The following NUP214 variants were observed in gnomAD, a reference collection of about 807,000 sequenced individuals.
The protein encoded by NUP214 is nuclear pore complex protein Nup214.
In NUP214, 79 loss-of-function variants were observed where a neutral mutation model predicts 196.2. That is an observed-to-expected ratio of 0.40 (90% confidence interval 0.34 to 0.49). NUP214 has a LOEUF of 0.49. Among genes scored for constraint, NUP214 ranks in the 20% least tolerant of loss-of-function variants. The pLI, the probability that NUP214 is intolerant of heterozygous loss-of-function variation, is 0.58. For synonymous variants in NUP214, 1,020 were observed against 990.5 expected (o/e 1.03, Z -0.56); for missense variants, 2,468 against 2,539.0 (o/e 0.97, Z 0.60).
At chr9:131,126,226 G>A (rs1173368489) in intron 1 of NUP214, 1 of 165,494 alleles carries the variant, frequency 6.0e-6, no homozygotes, top group Non-Finnish European at 1.3e-5. Context: ...TAGAGTCAGG[G>A]AAGGTCATCC....
chr9:131,202,039 C>G (rs1026867892), intron 30 of NUP214, among the ~76,000 whole-genome samples: 2 of 152,154 alleles, frequency 1.3e-5, no homozygotes, highest in African/African-American at 4.8e-5. Flanking sequence ...TCACAGCTGA[C>G]TCTAGCCATA....
intron 23 of NUP214, among the ~76,000 whole-genome samples, chr9:131,177,709 G>T (rs1326411973): frequency 6.6e-6 from 1 of 152,054 alleles, no homozygotes; most frequent in Admixed American, 6.5e-5. Context: ...AGTCTTTTGG[G>T]ATACAATTTA....
intron 32 of NUP214, among the ~76,000 whole-genome samples, chr9:131,223,162 A>ATT (rs200115812): frequency 1.3e-5 from 2 of 148,840 alleles, no homozygotes; most frequent in African/African-American, 4.9e-5. Flanking sequence ...GTAATGCAAC[A>ATT]TTTTTTTTTC....
At chr9:131,161,275 T>TTTTA (rs1832623775) in intron 18 of NUP214, among the ~76,000 whole-genome samples, 1 of 140,308 alleles carries the variant, frequency 7.1e-6, no homozygotes, top group African/African-American at 2.6e-5. Flanking sequence ...TTTTTTTTTT[T>TTTTA]GAGACTAAGT....
At chr9:131,229,662 G>C (rs756768551) in intron 33 of NUP214, 15 of 506,830 alleles carry the variant, frequency 3.0e-5, no homozygotes, top group African/African-American at 2.9e-4. Context: ...CCTTCTTCCA[G>C]GTCCCTGGCC....
intron 33 of NUP214, chr9:131,229,750 T>C (rs1319649658): frequency 3.9e-6 from 2 of 518,880 alleles, no homozygotes; most frequent in East Asian, 5.4e-5. Context: ...AGCAGGCCGC[T>C]CCTGGGAGAA....
At chr9:131,182,092 CTTTATA>C (rs1329833913) in intron 24 of NUP214, among the ~76,000 whole-genome samples, 1 of 152,150 alleles carries the variant, frequency 6.6e-6, no homozygotes, top group Non-Finnish European at 1.5e-5. Context: ...CTTATTTTGT[CTTTATA>C]TTTAAAATGG....
intron 29 of NUP214, 68 bp from the exon 30 acceptor site, chr9:131,201,577 AAC>A: frequency 7.8e-6 from 10 of 1,282,944 alleles, no homozygotes; most frequent in African/African-American, 7.7e-5. Flanking sequence ...AAAAAAAAAC[AAC>A]AAAACTTTAA....
rs1222257723 is a variant in NUP214 at position 131,139,340 on chromosome 9, CAA to C, written c.1066_1067del (p.Lys356GlufsTer2). 1.3e-6 allele frequency: 2 copies of C among 1,575,622 alleles called. No homozygotes were observed. The highest frequency in any genetic ancestry group is 1.7e-6 in the Non-Finnish European group (2 of 1,162,102). ...SSRAELPVTD[K>X]SDDSLPMGVV... ...GTCGAGCTGAATTGCCTGTGACAGA[CAA>C]GAGTGATGACTCCTTGCCCATGGGA... On this transcript the variant is annotated frameshift_variant, in exon 10 of 36. Coordinates refer to ENST00000359428, the MANE Select transcript of NUP214 (RefSeq NM_005085.4). LOFTEE classifies it high-confidence loss of function.
chr9:131,149,052 T>C (rs953038265), intron 14 of NUP214, among the ~76,000 whole-genome samples: 11 of 152,172 alleles, frequency 7.2e-5, no homozygotes, highest in African/African-American at 2.2e-4. Context: ...TATGGTATAA[T>C]GTAAAGAGAA....
At position 131,140,575 on chromosome 9, in the gene NUP214, C is replaced by T. The variant is rs563025075; in HGVS notation, c.1159C>T (p.Pro387Ser). The T allele has an allele frequency of 7.4e-6, 12 of 1,612,424 alleles. No homozygotes were observed. Among genetic ancestry groups the T allele is most frequent in the Non-Finnish European group, 8.5e-6 (10 of 1,179,532 alleles). ...ISDEKTLPPA[P>S]VLMLLSTDGV... The stretch of plus-strand genomic sequence containing the variant: ...TGATGAAAAGACTCTTCCTCCTGCT[C>T]CAGTTCTCATGTTACTTTCAACAGA... The change falls in exon 11 of 36, where the codon CCA (proline) becomes TCA (serine). Residue 387 changes from proline to serine, a missense_variant. Around this residue, in one of 5 missense-constraint regions of NUP214, gnomAD observed 1,801 missense variants for 1,779.4 expected, o/e 1.01. Transcript: ENST00000359428.
chr9:131,197,492 G>A lies in NUP214; in HGVS notation c.3998G>A (p.Ser1333Asn). ...PSSLAGETLG[S>N]FSGLRVGQAD... ...TCTTTGGCTGGAGAGACTCTGGGAA[G>A]TTTTTCAGGACTGCGGGTTGGCCAA... Residue 1333 changes from serine (S) to asparagine (N), a missense_variant, in exon 29 of 36, where the codon AGT becomes AAT. Ser to Asn is a conservative substitution (Grantham distance 46, BLOSUM62 1). This residue lies in a region of NUP214 where 1,801 missense variants were observed against 1,779.4 expected (regional missense o/e 1.01). Coordinates refer to ENST00000359428, the MANE Select transcript of NUP214 (RefSeq NM_005085.4). 6.2e-7 allele frequency: 1 copy of A among 1,614,186 alleles called. No individual in the cohort carries two copies. Among genetic ancestry groups the A allele is most frequent in the Non-Finnish European group, 8.5e-7 (1 of 1,180,030 alleles).
chr9:131,221,404 G>C (rs1248460195), intron 31 of NUP214, among the ~76,000 whole-genome samples: 1 of 152,178 alleles, frequency 6.6e-6, no homozygotes, highest in Non-Finnish European at 1.5e-5. Flanking sequence ...TGAGGTGACT[G>C]GGTCCCAAAG....
At chr9:131,218,858 A>C (rs995504615) in intron 31 of NUP214, among the ~76,000 whole-genome samples, 2 of 152,044 alleles carry the variant, frequency 1.3e-5, no homozygotes, top group Admixed American at 1.3e-4. Context: ...TCCCCAGCAC[A>C]TTCCTTCTGG....
chr9:131,163,235 C>A, intron 19 of NUP214, 62 bp downstream of exon 19: 1 of 1,509,450 alleles, frequency 6.6e-7, no homozygotes, highest in Non-Finnish European at 8.9e-7. Context: ...TTTAGGGAGT[C>A]TTAGAGTGGT....
intron 21 of NUP214, among the ~76,000 whole-genome samples, chr9:131,170,744 C>T (rs1228112771): frequency 6.6e-6 from 1 of 152,028 alleles, no homozygotes; most frequent in Non-Finnish European, 1.5e-5. Context: ...CAATGAAATC[C>T]TCCATGGATA....
chr9:131,130,812 T>C lies in NUP214; in HGVS notation c.639T>C (p.Asn213=), dbSNP rs1299005719. 1.2e-6 allele frequency: 2 copies of C among 1,614,084 alleles called. No individual in the cohort carries two copies. The highest frequency in any genetic ancestry group is 1.1e-5 in the South Asian group (1 of 91,092). The change falls in exon 5 of 36, where the codon AAT becomes AAC. Residue 213 remains asparagine, a synonymous_variant. Transcript: ENST00000359428. ...AGCAGCTGGCAGTGGGAAAACAGAA[T>C]GGAACTGTGGTCCAGTATCTTCCTG... ...KGKQLAVGKQ[N]GTVVQYLPTL...
chr9:131,150,195 AG>A, intron 14 of NUP214, 128 bp from the exon 15 acceptor site: 1 of 744,298 alleles, frequency 1.3e-6, no homozygotes, highest in Non-Finnish European at 2.2e-6. Flanking sequence ...CCTATAAATA[AG>A]GATTCGTTAC....
chr9:131,133,521 C>T, intron 7 of NUP214: 1 of 180,514 alleles, frequency 5.5e-6, no homozygotes, highest in Non-Finnish European at 1.1e-5. Flanking sequence ...CCAGGCTGGT[C>T]TTGAACTCCT....
Sources: gnomAD v4.1 joint callset for allele counts (sites outside exome capture counted in the v4.1 genomes callset) on GRCh38, gnomAD v4.1.1 for gene constraint, gnomAD v4.1.1 regional missense constraint, MANE v1.5 for transcripts, NCBI Gene and HGNC (gene_info 2026-07-23, HGNC 2026-07-21) for gene names.